ZAP70: variants seen among roughly 807,000 people sequenced by gnomAD.
ZAP70 encodes tyrosine-protein kinase ZAP-70.
In ZAP70, 27 loss-of-function variants were observed where a neutral mutation model predicts 65.8. That is an observed-to-expected ratio of 0.41 (90% CI 0.30 to 0.57). ZAP70 has a LOEUF of 0.57. ZAP70 is among the 20% of genes least tolerant of loss of function. ZAP70 has a pLI of 0.28. For synonymous variants in ZAP70, 363 were observed against 360.8 expected, an observed-to-expected ratio of 1.01 and a Z score of -0.07; for missense variants, 696 against 870.5, an observed-to-expected ratio of 0.80 and a Z score of 2.52.
chr2:97,746,420 A>G, the ZAP70 span, among the ~76,000 whole-genome samples: 3 of 152,256 alleles, frequency 2.0e-5, no homozygotes, highest in Non-Finnish European at 4.4e-5. Context: ...GGATTAAAAT[A>G]CAATGGAAGG....
At chr2:97,754,203 A>G in the ZAP70 span, among the ~76,000 whole-genome samples, 3 of 152,204 alleles carry the variant, frequency 2.0e-5, no homozygotes, top group African/African-American at 4.8e-5. Context: ...CACAAGTAAC[A>G]GAAGAGACCC....
downstream of ZAP70, among the ~76,000 whole-genome samples, chr2:97,744,812 C>G (rs1678209270): frequency 6.6e-6 from 1 of 152,100 alleles, no homozygotes; most frequent in African/African-American, 2.4e-5. Context: ...AAAAGTCAGA[C>G]CTCTATCTCA....
At chr2:97,755,542 T>C in the ZAP70 span, among the ~76,000 whole-genome samples, 2 of 152,176 alleles carry the variant, frequency 1.3e-5, no homozygotes, top group African/African-American at 4.8e-5. Context: ...AGTGGGTAAA[T>C]AGCTGTTTCT....
the ZAP70 span, among the ~76,000 whole-genome samples, chr2:97,753,683 A>G: frequency 3.3e-5 from 5 of 152,246 alleles, no homozygotes; most frequent in South Asian, 2.1e-4. Context: ...ATATAAACAT[A>G]TAAGATACCT....
At position 97,737,493 on chromosome 2, in the gene ZAP70, A is replaced by G; in HGVS notation, c.1310A>G (p.Asn437Ser). ...VGKREEIPVS[N>S]VAELLHQVSM... Reference sequence around the variant, plus strand: ...CCCAGGGAGGAGATCCCTGTGAGCAATGTGGCCGAGCTGCTGCACCAGGTG... The same window carrying G: ...CCCAGGGAGGAGATCCCTGTGAGCAGTGTGGCCGAGCTGCTGCACCAGGTG... Residue 437 changes from asparagine to serine, a missense_variant, in exon 11 of 14, where the codon AAT (asparagine) becomes AGT (serine). Coordinates refer to ENST00000264972, the MANE Select transcript of ZAP70 (RefSeq NM_001079.4). The surrounding 1 kb of genome is among the most constrained non-coding windows in gnomAD (Gnocchi z 5.0). 2 of 1,614,072 alleles carry G rather than the reference A, an allele frequency of 1.2e-6. No homozygotes were observed. Among genetic ancestry groups the G allele is most frequent in the South Asian group, 1.1e-5 (1 of 91,082 alleles).
intron 2 of ZAP70, among the ~76,000 whole-genome samples, chr2:97,722,190 C>T (rs1288142930): frequency 6.6e-6 from 1 of 151,980 alleles, no homozygotes; most frequent in Non-Finnish European, 1.5e-5. Context: ...ACGAGGTTCT[C>T]CTGCCTCAGC....
In ZAP70 at chr2:97,724,657, A is replaced by G. The variant is rs13006704; in HGVS notation, c.402+219A>G. 15,786 of 1,528,786 alleles carry G rather than the reference A, an allele frequency of 0.01. 102 individuals carry two copies. The highest frequency in any genetic ancestry group is 0.012 in the Non-Finnish European group (14,141 of 1,142,762). 94.7% of individuals were successfully genotyped at this position (1,528,786 alleles called of 1,614,324 possible). ...CGCCTTCCGCAGGCTGAGCGATGCT[A>G]TGGTGCTCTACTATGCCAGATGGGA... On this transcript the variant is annotated intron_variant, in intron 3 of 13. Transcript: ENST00000264972.
At position 97,734,496 on chromosome 2, in the gene ZAP70, G is replaced by C. The variant is rs964798214; in HGVS notation, c.890-24G>C. ...CCCCACACCCCTGCCCCTGACCTGGGAGTGTACCGCTGTGTGTGCCCAGCA... is the reference window on the plus strand; with the variant it reads ...CCCCACACCCCTGCCCCTGACCTGGCAGTGTACCGCTGTGTGTGCCCAGCA... On this transcript the variant is annotated intron_variant, in intron 8 of 13. Coordinates refer to ENST00000264972, the MANE Select transcript of ZAP70 (RefSeq NM_001079.4). 1.2e-5 allele frequency: 20 copies of C among 1,608,210 alleles called. 1 individual carries two copies. In the Middle Eastern group the frequency reaches 2.6e-3, roughly 213 times the overall value.
chr2:97,729,280 T>A (rs1677511012), intron 4 of ZAP70, among the ~76,000 whole-genome samples: 2 of 152,240 alleles, frequency 1.3e-5, no homozygotes, highest in South Asian at 2.1e-4. Context: ...ACAGCGAGGA[T>A]AAGCAGTTTA....
At position 97,732,909 on chromosome 2, in the gene ZAP70, C is replaced by T. The variant is rs1085307460; in HGVS notation, c.590C>T (p.Thr197Ile). 6.2e-7 allele frequency: 1 copy of T among 1,614,024 alleles called. No individual in the cohort carries two copies. Among genetic ancestry groups the T allele is most frequent in the Non-Finnish European group, 8.5e-7 (1 of 1,180,038 alleles). ...FLLRPRKEQGTYALSLIYGKT... is the reference protein window; with the variant it reads ...FLLRPRKEQGIYALSLIYGKT... Reference sequence around the variant, plus strand: ...CTGAGGCCGCGGAAGGAGCAGGGCACATACGCCCTGTCCCTCATCTATGGG... The same window carrying T: ...CTGAGGCCGCGGAAGGAGCAGGGCATATACGCCCTGTCCCTCATCTATGGG... The change falls in exon 5 of 14, where the codon ACA (threonine) becomes ATA (isoleucine). Residue 197 changes from threonine to isoleucine, a missense_variant. Physicochemically the swap from Thr to Ile is moderately conservative, Grantham distance 89. Transcript: ENST00000264972.
At chr2:97,742,100 C>A (rs1357584366), downstream of ZAP70, among the ~76,000 whole-genome samples, 1 of 152,062 alleles carries the variant, frequency 6.6e-6, no homozygotes, top group Non-Finnish European at 1.5e-5. Flanking sequence ...TTTGGCGGGG[C>A]TGGAAGGCTG....
At chr2:97,745,512 G>A in the ZAP70 span, among the ~76,000 whole-genome samples, 11 of 152,214 alleles carry the variant, frequency 7.2e-5, no homozygotes, top group African/African-American at 2.4e-4. Flanking sequence ...CAAAAGACTC[G>A]AACAGACATT....
rs1458929322 is a variant in ZAP70, at chr2:97,737,705, G to T, written c.1482+40G>T. 6.2e-7 allele frequency: 1 copy of T among 1,614,066 alleles called. No homozygotes were observed. The highest frequency in any genetic ancestry group is 1.1e-5 in the South Asian group (1 of 91,082). On this transcript the variant is annotated intron_variant, in intron 11 of 13. Transcript: ENST00000264972. This position sits in a 1 kb window ranked among gnomAD's most constrained non-coding sequence, Gnocchi z 5.0. ...CTGTGATGCCCGACTGGATGGGCTG[G>T]GTGGGTAGAGGGTCCCTGACCCCTG...
chr2:97,732,466 C>A (rs1677648484), intron 4 of ZAP70, among the ~76,000 whole-genome samples: 1 of 152,180 alleles, frequency 6.6e-6, no homozygotes, highest in African/African-American at 2.4e-5. Context: ...AGTGTACCCC[C>A]AATGAGTGCC....
At chr2:97,756,036 A>G in the ZAP70 span, among the ~76,000 whole-genome samples, 1 of 152,234 alleles carries the variant, frequency 6.6e-6, no homozygotes, top group African/African-American at 2.4e-5. Flanking sequence ...CAGAGTCAGT[A>G]TTCAATAAAT....
downstream of ZAP70, among the ~76,000 whole-genome samples, chr2:97,740,133 G>A (rs148825045): frequency 3.0e-4 from 45 of 152,226 alleles, no homozygotes; most frequent in Admixed American, 1.4e-3. Flanking sequence ...TGTGCCCCAT[G>A]CCAGGTGCAC....
At position 97,732,609 on chromosome 2, in the gene ZAP70, C is replaced by G. The variant is rs999598539; in HGVS notation, c.564-274C>G. ...TGGCTGGGTGTCCACCGTGGGGGGT[C>G]AGGTATTCCCCGTGAATGGCCATCT... On this transcript the variant is annotated intron_variant, in intron 4 of 13. Transcript: ENST00000264972. 6.4e-5 allele frequency: 35 copies of G among 550,006 alleles called. 1 individual carries two copies. The East Asian group carries it at 8.2e-4, about 13-fold the overall frequency. 34.1% of individuals were successfully genotyped at this position (550,006 alleles called of 1,614,324 possible).
Position 97,737,490 on chromosome 2 carries a change from G to C in ZAP70, c.1307G>C (p.Ser436Thr), listed in dbSNP as rs747461254. 1 of 1,614,114 alleles carries C rather than the reference G, an allele frequency of 6.2e-7. No individual in the cohort carries two copies. Among genetic ancestry groups the C allele is most frequent in the African/African-American group, 1.3e-5 (1 of 75,026 alleles). The change falls in exon 11 of 14, where the codon AGC (serine) becomes ACC (threonine). Residue 436 changes from serine to threonine, a missense_variant. Ser to Thr is a moderately conservative substitution (Grantham distance 58). Coordinates refer to ENST00000264972, the MANE Select transcript of ZAP70 (RefSeq NM_001079.4). The surrounding 1 kb of genome is among the most constrained non-coding windows in gnomAD (Gnocchi z 5.0). ...CACCCCAGGGAGGAGATCCCTGTGA[G>C]CAATGTGGCCGAGCTGCTGCACCAG... Reference protein sequence around the residue: ...LVGKREEIPVSNVAELLHQVS... With the variant: ...LVGKREEIPVTNVAELLHQVS...
At chr2:97,716,271 G>A (rs1182389011) in intron 2 of ZAP70, among the ~76,000 whole-genome samples, 2 of 152,134 alleles carry the variant, frequency 1.3e-5, no homozygotes, top group Non-Finnish European at 2.9e-5. Context: ...AGGTTCCACC[G>A]GTGCTCAGAG....
Sources: allele counts gnomAD v4.1 joint callset (sites outside exome capture counted in the v4.1 genomes callset), GRCh38; gene constraint gnomAD v4.1.1; non-coding constraint Gnocchi (gnomAD v3.1); transcripts MANE v1.5; gene names NCBI Gene and HGNC (gene_info 2026-07-23, HGNC 2026-07-21).